Variants in PIGK observed in about 807,000 individuals in gnomAD.
PIGK encodes the protein phosphatidylinositol glycan anchor biosynthesis class K, also known as GPI-anchor transamidase.
In PIGK, 42 loss-of-function variants were observed where a neutral mutation model predicts 50.6. The observed-to-expected ratio is 0.83, with a 90% CI of 0.65 to 1.07. The LOEUF is 1.07. Ranked by LOEUF, PIGK falls within the 50% of genes least tolerant of loss-of-function variation. The pLI is 0.00. For synonymous variants in PIGK, 151 were observed against 156.0 expected (o/e 0.97, Z 0.24); for missense variants, 448 against 488.7 (o/e 0.92, Z 0.78).
At chr1:77,181,656 G>A (rs1312627534) in intron 3 of PIGK, among the ~76,000 whole-genome samples, 3 of 152,080 alleles carry the variant, frequency 2.0e-5, no homozygotes, top group African/African-American at 7.2e-5. Context: ...GGAAATATGA[G>A]GGTCACAGGA....
At chr1:77,172,635 G>A (rs1045811317) in intron 3 of PIGK, among the ~76,000 whole-genome samples, 10 of 152,084 alleles carry the variant, frequency 6.6e-5, no homozygotes, top group African/African-American at 1.7e-4. Context: ...TTAAAAATTC[G>A]CAGGGGCCAG....
chr1:77,132,003 G>C (rs79291295), intron 9 of PIGK, among the ~76,000 whole-genome samples: 1 of 151,986 alleles, frequency 6.6e-6, no homozygotes, highest in African/African-American at 2.4e-5. Context: ...CTTGTTTGCA[G>C]TTTGTTGGGA....
chr1:77,130,359 T>C (rs1654346284), intron 9 of PIGK, among the ~76,000 whole-genome samples: 1 of 149,538 alleles, frequency 6.7e-6, no homozygotes, highest in Non-Finnish European at 1.5e-5. Context: ...GTTTTCTTTT[T>C]GCATTTTTAT....
intron 3 of PIGK, among the ~76,000 whole-genome samples, chr1:77,174,606 T>C (rs1655440689): frequency 6.6e-6 from 1 of 152,110 alleles, no homozygotes; most frequent in African/African-American, 2.4e-5. Flanking sequence ...GCTCTGCACA[T>C]TTGGATCAGA....
intron 9 of PIGK, among the ~76,000 whole-genome samples, chr1:77,131,024 A>T: frequency 6.6e-6 from 1 of 152,226 alleles, no homozygotes; most frequent in Non-Finnish European, 1.5e-5. Flanking sequence ...AGATAAAATT[A>T]TATGATAATT....
intron 3 of PIGK, among the ~76,000 whole-genome samples, chr1:77,171,478 G>C (rs916943339): frequency 1.6e-5 from 2 of 122,008 alleles, no homozygotes; most frequent in African/African-American, 5.4e-5. Context: ...ATTTCTTTAG[G>C]CTATGTTTTC....
intron 9 of PIGK, among the ~76,000 whole-genome samples, chr1:77,138,514 T>G (rs2100540975): frequency 6.6e-6 from 1 of 152,354 alleles, no homozygotes; most frequent in South Asian, 2.1e-4. Context: ...AAGCCTCAGA[T>G]GAGACCACAG....
rs1202296001 is a variant in PIGK, at chr1:77,092,435, G to C, written c.1127C>G (p.Ala376Gly). Residue 376 changes from alanine (A) to glycine (G), a missense_variant, in exon 11 of 11, where the codon GCA (alanine) becomes GGA (glycine). Ala to Gly is a moderately conservative substitution (Grantham distance 60). Coordinates refer to ENST00000370812, the MANE Select transcript of PIGK (RefSeq NM_005482.3). Reference sequence around the variant, plus strand: ...TTTGAAGAAAACCATGATAATAAGTGCCCATAATCCCAGAATAAAGCCCCC... The same window carrying C: ...TTTGAAGAAAACCATGATAATAAGTCCCCATAATCCCAGAATAAAGCCCCC... ...PPGGFILGLW[A>G]LIIMVFFKTY... 1 of 1,607,082 alleles carries C rather than the reference G, an allele frequency of 6.2e-7. No homozygotes were observed. Among genetic ancestry groups the C allele is most frequent in the Non-Finnish European group, 8.5e-7 (1 of 1,176,576 alleles).
At chr1:77,206,051 T>C (rs1199013548) in intron 3 of PIGK, among the ~76,000 whole-genome samples, 1 of 151,670 alleles carries the variant, frequency 6.6e-6, no homozygotes, top group Non-Finnish European at 1.5e-5. Context: ...CAGTAAGAAG[T>C]TGGGACAGCA....
At chr1:77,214,965 GA>G (rs781553680) in intron 1 of PIGK, among the ~76,000 whole-genome samples, 3 of 151,990 alleles carry the variant, frequency 2.0e-5, no homozygotes, top group Non-Finnish European at 2.9e-5. Flanking sequence ...TCTCTACAAT[GA>G]AAACTACAAA....
At chr1:77,154,095 C>T (rs1293999118) in intron 9 of PIGK, 3 of 319,862 alleles carry the variant, frequency 9.4e-6, no homozygotes, top group Non-Finnish European at 1.7e-5. Context: ...ACCTGGTTTA[C>T]ACTTCTCATT....
chr1:77,099,335 A>G (rs911746693), intron 10 of PIGK, among the ~76,000 whole-genome samples: 1 of 152,160 alleles, frequency 6.6e-6, no homozygotes, highest in African/African-American at 2.4e-5. Context: ...TTGGCTTTAA[A>G]TCTCTTCTCT....
chr1:77,200,315 T>TA (rs1320242373), intron 3 of PIGK, among the ~76,000 whole-genome samples: 1 of 151,898 alleles, frequency 6.6e-6, no homozygotes, highest in South Asian at 2.1e-4. Flanking sequence ...CATGAAATAA[T>TA]AAAGTCTTAG....
rs764545532 is a variant in PIGK, at chr1:77,206,691, G to A, written c.188C>T (p.Ala63Val). 5.6e-6 allele frequency: 9 copies of A among 1,612,158 alleles called. No individual in the cohort carries two copies. The Admixed American group carries it at 1.5e-4, about 27-fold the overall frequency. ...ACTTCTATAAACAGAAAGGGTATTTGCAACATGTCGATAATTAAACCAGAA... is the reference window on the plus strand; with the variant it reads ...ACTTCTATAAACAGAAAGGGTATTTACAACATGTCGATAATTAAACCAGAA... ...SRFWFNYRHV[A>V]NTLSVYRSVK... Residue 63 changes from alanine to valine, a missense_variant, in exon 3 of 11, where the codon GCA becomes GTA. By Grantham distance (64) the Ala-to-Val change is moderately conservative (BLOSUM62 0). Coordinates refer to ENST00000370812, the MANE Select transcript of PIGK (RefSeq NM_005482.3).
At chr1:77,180,259 T>A (rs192307665) in intron 3 of PIGK, among the ~76,000 whole-genome samples, 145 of 152,290 alleles carry the variant, frequency 9.5e-4, no homozygotes, top group Admixed American at 2.2e-3. Context: ...ATACATAATA[T>A]GACCTTCTCT....
At chr1:77,102,641 T>C (rs1373522182) in intron 10 of PIGK, among the ~76,000 whole-genome samples, 1 of 152,174 alleles carries the variant, frequency 6.6e-6, no homozygotes, top group Non-Finnish European at 1.5e-5. Flanking sequence ...AGACCCCTGT[T>C]GGACAGCTGA....
intron 6 of PIGK, among the ~76,000 whole-genome samples, chr1:77,162,397 G>A (rs1003399659): frequency 1.3e-5 from 2 of 152,156 alleles, no homozygotes; most frequent in African/African-American, 4.8e-5. Context: ...ATGTAAAAAA[G>A]TATAAGTGCT....
chr1:77,196,030 A>G (rs1225175046), intron 3 of PIGK, among the ~76,000 whole-genome samples: 2 of 152,038 alleles, frequency 1.3e-5, no homozygotes, highest in Non-Finnish European at 2.9e-5. Flanking sequence ...CTTTATGTGC[A>G]TGTGTACTCA....
At chr1:77,145,426 T>C (rs766328444) in intron 9 of PIGK, among the ~76,000 whole-genome samples, 10 of 152,088 alleles carry the variant, frequency 6.6e-5, no homozygotes, top group African/African-American at 2.2e-4. Context: ...GTAATACTTC[T>C]GCATTTGAGC....
Sources: gnomAD v4.1 joint callset for allele counts (sites outside exome capture counted in the v4.1 genomes callset) on GRCh38, gnomAD v4.1.1 for gene constraint, MANE v1.5 for transcripts, NCBI Gene and HGNC (gene_info 2026-07-23, HGNC 2026-07-21) for gene names.